Variants in KIF1B observed in about 807,000 individuals in gnomAD.
The protein encoded by KIF1B is kinesin-like protein KIF1B.
A neutral mutation model predicts 241.9 loss-of-function variants in KIF1B; 76 were observed. The observed-to-expected ratio is 0.31, with a 90% CI of 0.26 to 0.38. The LOEUF is 0.38. KIF1B is among the 10% of genes least tolerant of loss of function. The pLI, the probability that KIF1B is intolerant of heterozygous loss-of-function variation, is 1.00. For synonymous variants in KIF1B, 750 were observed against 796.7 expected, an observed-to-expected ratio of 0.94 and a Z score of 0.99; for missense variants, 1,622 against 2,271.4, an observed-to-expected ratio of 0.71 and a Z score of 5.81.
intron 27 of KIF1B, among the ~76,000 whole-genome samples, chr1:10,330,752 G>T (rs980737974): frequency 1.3e-5 from 2 of 152,168 alleles, no homozygotes; most frequent in Non-Finnish European, 2.9e-5. Context: ...GAGTGGCCCA[G>T]CCCTCTGCAG....
intron 26 of KIF1B, 100 bp downstream of exon 26, chr1:10,324,995 A>AT (rs1651675034): frequency 2.3e-6 from 3 of 1,307,356 alleles, no homozygotes; most frequent in African/African-American, 2.9e-5. Context: ...GGAAAAAAAA[A>AT]GGTGTAAAAA....
intron 45 of KIF1B, among the ~76,000 whole-genome samples, chr1:10,373,545 CAAA>C (rs796599901): frequency 7.5e-6 from 1 of 134,166 alleles, no homozygotes. Flanking sequence ...AACTTGATTT[CAAA>C]AAAAAAAAAG....
chr1:10,256,494 G>A (rs1264210677), intron 3 of KIF1B, among the ~76,000 whole-genome samples, 171 bp downstream of exon 3: 1 of 151,770 alleles, frequency 6.6e-6, no homozygotes, highest in Non-Finnish European at 1.5e-5. Flanking sequence ...AAAGTATTTG[G>A]GTTGATGGAA....
intron 27 of KIF1B, among the ~76,000 whole-genome samples, chr1:10,332,062 C>CTTTTTTCTTTTT (rs377177489): frequency 0.019 from 2,824 of 152,014 alleles, 38 homozygotes; most frequent in Non-Finnish European, 0.028. Flanking sequence ...TAACATTTAT[C>CTTTTTTCTTTTT]TTTTTTCTTT....
intron 27 of KIF1B, among the ~76,000 whole-genome samples, chr1:10,333,270 T>C (rs1184475962): frequency 1.3e-5 from 2 of 148,750 alleles, no homozygotes; most frequent in Non-Finnish European, 3.0e-5. Flanking sequence ...CTCAGGAGGC[T>C]GAGACAGGAG....
intron 2 of KIF1B, among the ~76,000 whole-genome samples, chr1:10,233,196 C>T (rs903145091): frequency 6.6e-6 from 1 of 152,108 alleles, no homozygotes; most frequent in Non-Finnish European, 1.5e-5. Context: ...AATGTTTGTT[C>T]CACCAAAATC....
rs775102102 is a variant in KIF1B at position 10,303,469 on chromosome 1, C to T, written c.2115+6223C>T. Reference sequence around the variant, plus strand: ...GCACAGTCGGCAGGAGATTGAAGCCCTGGCCATTGTCAAGATGAAGGAGCT... The same window carrying T: ...GCACAGTCGGCAGGAGATTGAAGCCTTGGCCATTGTCAAGATGAAGGAGCT... On this transcript the variant is annotated intron_variant, in intron 22 of 48. Transcript: ENST00000676179. This position sits in a 1 kb window ranked among gnomAD's most constrained non-coding sequence, Gnocchi z 5.2. 1 of 1,614,166 alleles carries T rather than the reference C, an allele frequency of 6.2e-7. No homozygotes were observed. The highest frequency in any genetic ancestry group is 1.1e-5 in the South Asian group (1 of 91,086).
chr1:10,340,091 C>G (rs1306034336), intron 32 of KIF1B, among the ~76,000 whole-genome samples: 1 of 152,160 alleles, frequency 6.6e-6, no homozygotes, highest in East Asian at 1.9e-4. Flanking sequence ...ATAAAATCTT[C>G]CATCAGTTTG....
At chr1:10,223,687 C>T (rs1646874986) in intron 1 of KIF1B, among the ~76,000 whole-genome samples, 1 of 151,686 alleles carries the variant, frequency 6.6e-6, no homozygotes, top group Admixed American at 6.6e-5. Context: ...GCTAGGACTA[C>T]AGGCACGTGC....
chr1:10,262,699 T>G (rs1306619057), intron 5 of KIF1B, among the ~76,000 whole-genome samples: 1 of 152,212 alleles, frequency 6.6e-6, no homozygotes, highest in African/African-American at 2.4e-5. Context: ...TTTCTTTGAT[T>G]ACTAGTATGG....
In KIF1B at chr1:10,341,963, A is replaced by G; in HGVS notation, c.3514-87A>G. ...CAAGACCTTGCCTCAAAAAAAAAAA[A>G]AAAAACCCAAAATACGTACTAAAGT... On this transcript the variant is annotated intron_variant, in intron 32 of 48. Coordinates refer to ENST00000676179, the MANE Select transcript of KIF1B (RefSeq NM_001365951.3). 4 of 967,428 alleles carry G rather than the reference A, an allele frequency of 4.1e-6. No individual in the cohort carries two copies. The Admixed American group carries it at 7.9e-5, about 19-fold the overall frequency. 59.9% of individuals were successfully genotyped at this position (967,428 alleles called of 1,614,324 possible).
chr1:10,277,944 C>A, intron 12 of KIF1B, 42 bp from the exon 13 acceptor site: 1 of 1,576,588 alleles, frequency 6.3e-7, no homozygotes, highest in Non-Finnish European at 8.7e-7. Context: ...AGAAGTAGAA[C>A]ATATGAGAAA....
At chr1:10,214,648 T>G (rs986558096) in intron 1 of KIF1B, among the ~76,000 whole-genome samples, 2 of 149,888 alleles carry the variant, frequency 1.3e-5, no homozygotes, top group Admixed American at 1.3e-4. Flanking sequence ...AGTGGTGTGA[T>G]CTTGGCTCAC....
intron 2 of KIF1B, among the ~76,000 whole-genome samples, chr1:10,252,080 C>T (rs1557665660): frequency 6.6e-6 from 1 of 152,022 alleles, no homozygotes; most frequent in Non-Finnish European, 1.5e-5. Context: ...TGCTCTGTTG[C>T]CCAGGCTGGA....
intron 22 of KIF1B, among the ~76,000 whole-genome samples, chr1:10,319,842 C>T (rs900787981): frequency 6.6e-6 from 1 of 152,146 alleles, no homozygotes. Flanking sequence ...TTAACATTTA[C>T]CCATTACAGA....
Position 10,295,752 on chromosome 1 carries a change from G to T in KIF1B, c.1763G>T (p.Ser588Ile). The change falls in exon 19 of 49, where the codon AGC becomes ATC. Residue 588 changes from serine to isoleucine, a missense_variant. Ser to Ile is a moderately radical substitution (Grantham distance 142). Transcript: ENST00000676179. Reference sequence around the variant, plus strand: ...CATTGTATCTTCCGGAGTGAGAGAAGCAACAGCGGGGAAGGTGAGCATTCC... The same window carrying T: ...CATTGTATCTTCCGGAGTGAGAGAATCAACAGCGGGGAAGGTGAGCATTCC... ...EEHCIFRSER[S>I]NSGEVIVTLE... The T allele has an allele frequency of 6.2e-7, 1 of 1,613,382 alleles. No individual in the cohort carries two copies. Among genetic ancestry groups the T allele is most frequent in the Non-Finnish European group, 8.5e-7 (1 of 1,179,554 alleles).
intron 22 of KIF1B, among the ~76,000 whole-genome samples, chr1:10,314,951 C>T (rs535621959): frequency 6.6e-6 from 1 of 151,000 alleles, no homozygotes; most frequent in African/African-American, 2.5e-5. Context: ...GGTAAAGCAG[C>T]AGCTTTCTCT....
At chr1:10,329,266 T>TTTGCCC (rs1300455314) in intron 27 of KIF1B, among the ~76,000 whole-genome samples, 7 of 152,182 alleles carry the variant, frequency 4.6e-5, no homozygotes, top group Admixed American at 2.0e-4. Context: ...GCTTTCCATT[T>TTTGCCC]TTGCCCTTGA....
intron 2 of KIF1B, among the ~76,000 whole-genome samples, chr1:10,244,083 A>T (rs1647174238): frequency 6.6e-6 from 1 of 152,170 alleles, no homozygotes; most frequent in Admixed American, 6.5e-5. Flanking sequence ...GAATATGTAT[A>T]GTACATTTAT....
Sources: gnomAD v4.1 joint callset for allele counts (sites outside exome capture counted in the v4.1 genomes callset) on GRCh38, gnomAD v4.1.1 for gene constraint, Gnocchi (gnomAD v3.1) non-coding constraint, MANE v1.5 for transcripts, NCBI Gene and HGNC (gene_info 2026-07-23, HGNC 2026-07-21) for gene names.